Variants in ADCY5 observed in about 807,000 individuals in gnomAD.
The protein encoded by ADCY5 is adenylate cyclase type 5.
A neutral mutation model predicts 119.7 loss-of-function variants in ADCY5; 30 were observed. That is an observed-to-expected ratio of 0.25 (90% CI 0.19 to 0.34). The LOEUF is 0.34. ADCY5 is among the 10% of genes least tolerant of loss of function. The probability of loss-of-function intolerance (pLI) is 1.00; values close to 1 mark genes in which losing one functional copy is unlikely to be tolerated. For synonymous variants in ADCY5, 753 were observed against 762.2 expected, an observed-to-expected ratio of 0.99 and a Z score of 0.20; for missense variants, 1,324 against 1,775.2, an observed-to-expected ratio of 0.75 and a Z score of 4.57.
chr3:123,372,850 T>A (rs946816738), intron 1 of ADCY5, among the ~76,000 whole-genome samples: 1 of 152,212 alleles, frequency 6.6e-6, no homozygotes, highest in African/African-American at 2.4e-5. Flanking sequence ...TTGGCAAGTC[T>A]GAACGTGTGT....
At chr3:123,295,172 A>T (rs1269495825) in intron 17 of ADCY5, among the ~76,000 whole-genome samples, 1 of 152,242 alleles carries the variant, frequency 6.6e-6, no homozygotes, top group East Asian at 1.9e-4. Context: ...TCAGCATCCA[A>T]CGAAAAGCAG....
rs1301581448 is a variant in ADCY5 at position 123,448,394 on chromosome 3, C to T, written c.152G>A (p.Arg51His). 5.5e-6 allele frequency: 8 copies of T among 1,449,894 alleles called. No homozygotes were observed. The highest frequency in any genetic ancestry group is 1.5e-5 in the African/African-American group (1 of 67,086). The allele number at this position is 1,449,894 out of a possible 1,614,324, so 89.8% of individuals were successfully genotyped here. A position where few individuals can be genotyped will look rare whatever the true frequency, so the allele number is the denominator to read the frequency against. ...CCCCCCGGGTTTCTTGGTGGAGCCGCGGGCAGAGCCCCCGGGGGCATGGGG... is the reference window on the plus strand; with the variant it reads ...CCCCCCGGGTTTCTTGGTGGAGCCGTGGGCAGAGCCCCCGGGGGCATGGGG... ...GYPHAPGGSA[R>H]GSTKKPGGAV... The change falls in exon 1 of 21, where the codon CGC (arginine) becomes CAC (histidine). Residue 51 changes from arginine to histidine, a missense_variant. This residue lies in a region of ADCY5 where 585 missense variants were observed against 569.9 expected (regional missense o/e 1.03). Coordinates refer to ENST00000462833, the MANE Select transcript of ADCY5 (RefSeq NM_183357.3).
Position 123,335,622 on chromosome 3 carries a change from C to T in ADCY5, c.1407-2947G>A, listed in dbSNP as rs571194098. 9.9e-5 allele frequency among the ~76,000 whole-genome samples: 15 copies of T among 152,176 alleles called. No individual in the cohort carries two copies. In the South Asian group the frequency reaches 2.7e-3, roughly 27 times the overall value. ...GGCACTGTGAGGGAGGTGGGAGGAC[C>T]CCTGGGAGCTGCTGCTGTGGTACCG... On this transcript the variant is annotated intron_variant, in intron 3 of 20. Coordinates refer to ENST00000462833, the MANE Select transcript of ADCY5 (RefSeq NM_183357.3).
chr3:123,378,070 G>C (rs1277683241), intron 1 of ADCY5, among the ~76,000 whole-genome samples: 1 of 152,148 alleles, frequency 6.6e-6, no homozygotes, highest in African/African-American at 2.4e-5. Context: ...CAAAGCTTCT[G>C]AACAAAGCTA....
chr3:123,393,842 C>T (rs1944467689), intron 1 of ADCY5, among the ~76,000 whole-genome samples: 1 of 151,020 alleles, frequency 6.6e-6, no homozygotes. Context: ...ACAACAACAG[C>T]TTTTAAGATA....
At chr3:123,293,630 T>C (rs1655588950) in intron 17 of ADCY5, among the ~76,000 whole-genome samples, 1 of 151,832 alleles carries the variant, frequency 6.6e-6, no homozygotes, top group African/African-American at 2.4e-5. Flanking sequence ...ACATGAAAGA[T>C]AATGGGAGGT....
At chr3:123,416,916 G>A (rs761956235) in intron 1 of ADCY5, among the ~76,000 whole-genome samples, 13 of 152,112 alleles carry the variant, frequency 8.5e-5, no homozygotes, top group African/African-American at 1.2e-4. Context: ...GATATCTCTC[G>A]CTTTGTGAGA....
intron 3 of ADCY5, 79 bp downstream of exon 3, chr3:123,347,703 A>T: frequency 8.1e-7 from 1 of 1,241,132 alleles, no homozygotes; most frequent in Non-Finnish European, 1.1e-6. Flanking sequence ...GGCTGTGCCC[A>T]CTTGAAAGGA....
At chr3:123,398,626 A>G (rs905831971) in intron 1 of ADCY5, among the ~76,000 whole-genome samples, 1 of 152,092 alleles carries the variant, frequency 6.6e-6, no homozygotes, top group African/African-American at 2.4e-5. Flanking sequence ...AATGTTTGTA[A>G]TATTTCTACC....
In ADCY5 at chr3:123,352,278, C is replaced by T. The variant is rs1010461385; in HGVS notation, c.1284+154G>A. 1.3e-5 allele frequency among the ~76,000 whole-genome samples: 2 copies of T among 152,208 alleles called. No homozygotes were observed. The highest frequency in any genetic ancestry group is 4.8e-5 in the African/African-American group (2 of 41,450). ...CACAGGGCCTGGAATGCTGGACTCTCTCCAGGGGAAACATTCCCCATGGGT... is the reference window on the plus strand; with the variant it reads ...CACAGGGCCTGGAATGCTGGACTCTTTCCAGGGGAAACATTCCCCATGGGT... On this transcript the variant is annotated intron_variant, in intron 2 of 20. Transcript: ENST00000462833. This position sits in a 1 kb window ranked among gnomAD's most constrained non-coding sequence, Gnocchi z 4.8.
chr3:123,374,151 G>A (rs1472015714), intron 1 of ADCY5, among the ~76,000 whole-genome samples: 2 of 152,154 alleles, frequency 1.3e-5, no homozygotes, highest in African/African-American at 2.4e-5. Context: ...AGGGGGTAAG[G>A]TTTGGGCTGG....
At chr3:123,387,987 A>T (rs1944280250) in intron 1 of ADCY5, among the ~76,000 whole-genome samples, 1 of 152,200 alleles carries the variant, frequency 6.6e-6, no homozygotes, top group Non-Finnish European at 1.5e-5. Context: ...TGGAATGCAG[A>T]TGAGTAGCAA....
At chr3:123,331,401 C>T (rs571542608) in intron 4 of ADCY5, among the ~76,000 whole-genome samples, 2 of 152,368 alleles carry the variant, frequency 1.3e-5, no homozygotes, top group East Asian at 1.9e-4. Flanking sequence ...GTCCCCTCCA[C>T]ACCCCAGGAG....
At chr3:123,364,589 AGATGAGACAAG>A (rs532188136) in intron 1 of ADCY5, among the ~76,000 whole-genome samples, 98 of 152,228 alleles carry the variant, frequency 6.4e-4, no homozygotes, top group African/African-American at 1.3e-3. Context: ...GACTGGCCAG[AGATGAGACAAG>A]GGGGTTCATG....
At chr3:123,423,593 A>C (rs951322067) in intron 1 of ADCY5, among the ~76,000 whole-genome samples, 10 of 152,116 alleles carry the variant, frequency 6.6e-5, no homozygotes, top group African/African-American at 2.4e-4. Flanking sequence ...CAGAGTTCCC[A>C]ATCTGCTGAG....
At position 123,429,904 on chromosome 3, in the gene ADCY5, G is replaced by A. The variant is rs544703330; in HGVS notation, c.1134+17508C>T. Among the ~76,000 whole-genome samples, 10 of 152,230 alleles carry A rather than the reference G, an allele frequency of 6.6e-5. No homozygotes were observed. The East Asian group carries it at 9.7e-4, about 15-fold the overall frequency. ...TCCTCCCCAGCTCACCTGCCCCAAC[G>A]GCTGCCCTGGGGGTGGGGTGTGGAG... On this transcript the variant is annotated intron_variant, in intron 1 of 20. Coordinates refer to ENST00000462833, the MANE Select transcript of ADCY5 (RefSeq NM_183357.3).
chr3:123,435,031 T>A (rs566202342), intron 1 of ADCY5, among the ~76,000 whole-genome samples: 4 of 152,128 alleles, frequency 2.6e-5, no homozygotes, highest in Non-Finnish European at 2.9e-5. Flanking sequence ...ACACCTATAA[T>A]CCCAGCACTT....
At chr3:123,285,863 C>G (rs1372040118) in intron 20 of ADCY5, among the ~76,000 whole-genome samples, 1 of 152,256 alleles carries the variant, frequency 6.6e-6, no homozygotes, top group African/African-American at 2.4e-5. Flanking sequence ...TCAGCCAGGT[C>G]AGGCTGAGTG....
At chr3:123,416,314 C>T (rs762503353) in intron 1 of ADCY5, 1 of 1,535,682 alleles carries the variant, frequency 6.5e-7, no homozygotes, top group African/African-American at 1.4e-5. Context: ...GGGCTAAAGG[C>T]AATAACCTCC....
Sources: gnomAD v4.1 joint callset for allele counts (sites outside exome capture counted in the v4.1 genomes callset) on GRCh38, gnomAD v4.1.1 for gene constraint, gnomAD v4.1.1 regional missense constraint, Gnocchi (gnomAD v3.1) non-coding constraint, MANE v1.5 for transcripts, NCBI Gene and HGNC (gene_info 2026-07-23, HGNC 2026-07-21) for gene names.